ADAMTS2: variants seen among roughly 807,000 people sequenced by gnomAD.
ADAMTS2 encodes A disintegrin and metalloproteinase with thrombospondin motifs 2.
Under a neutral mutation model 123.0 loss-of-function variants are expected in ADAMTS2, and 50 were observed. That is an observed-to-expected ratio of 0.41 (90% CI 0.32 to 0.51). The LOEUF is 0.51. Ranked by LOEUF, ADAMTS2 falls within the 20% of genes least tolerant of loss-of-function variation. The probability of loss-of-function intolerance (pLI) is 0.35; values close to 1 mark genes in which losing one functional copy is unlikely to be tolerated. For synonymous variants in ADAMTS2, 678 were observed against 695.4 expected (o/e 0.98, Z 0.39); for missense variants, 1,494 against 1,705.2 (o/e 0.88, Z 2.18).
intron 4 of ADAMTS2, among the ~76,000 whole-genome samples, chr5:179,187,583 A>G (rs1267082287): frequency 6.6e-6 from 1 of 152,054 alleles, no homozygotes; most frequent in Non-Finnish European, 1.5e-5. Context: ...CCCCCAGCTA[A>G]GGGCCTCCCC....
chr5:179,255,482 G>A (rs1159868324), intron 3 of ADAMTS2, among the ~76,000 whole-genome samples: 2 of 152,208 alleles, frequency 1.3e-5, no homozygotes, highest in African/African-American at 4.8e-5. Context: ...GGCTGCCGAT[G>A]TGGCCTTTGT....
chr5:179,294,954 T>C (rs564575640), intron 2 of ADAMTS2, among the ~76,000 whole-genome samples: 98 of 152,290 alleles, frequency 6.4e-4, no homozygotes, highest in Admixed American at 1.6e-3. Context: ...ATGGAGGCCC[T>C]CCTGTCGCTC....
intron 20 of ADAMTS2, 126 bp from the exon 21 acceptor site, chr5:179,121,876 G>C: frequency 5.0e-6 from 3 of 595,682 alleles, no homozygotes; most frequent in Non-Finnish European, 8.6e-6. Flanking sequence ...CTCCCCGGGC[G>C]GACAAAGGGT....
At position 179,185,615 on chromosome 5, in the gene ADAMTS2, A is replaced by G. The variant is rs1764156444; in HGVS notation, c.892-4460T>C. ...GCTCCCTGATTTGGGACAGGAGGTGACCAACCACTCCAAAAGCCCCGTCGC... is the reference window on the plus strand; with the variant it reads ...GCTCCCTGATTTGGGACAGGAGGTGGCCAACCACTCCAAAAGCCCCGTCGC... On this transcript the variant is annotated intron_variant, in intron 4 of 21. Transcript: ENST00000251582. This position sits in a 1 kb window ranked among gnomAD's most constrained non-coding sequence, Gnocchi z 5.9. 1.3e-5 allele frequency among the ~76,000 whole-genome samples: 2 copies of G among 151,988 alleles called. No individual in the cohort carries two copies. Among genetic ancestry groups the G allele is most frequent in the South Asian group, 4.1e-4 (2 of 4,828 alleles).
At chr5:179,195,953 G>A (rs1195499515) in intron 4 of ADAMTS2, among the ~76,000 whole-genome samples, 2 of 152,186 alleles carry the variant, frequency 1.3e-5, no homozygotes, top group African/African-American at 2.4e-5. Flanking sequence ...CAGAGCCAGC[G>A]ACTCGTGAAC....
At chr5:179,131,671 T>C (rs1561770400) in intron 15 of ADAMTS2, among the ~76,000 whole-genome samples, 1 of 152,032 alleles carries the variant, frequency 6.6e-6, no homozygotes, top group African/African-American at 2.4e-5. Flanking sequence ...TGGGAGGGCG[T>C]GGTCTCCCAG....
intron 4 of ADAMTS2, among the ~76,000 whole-genome samples, chr5:179,182,096 CT>C (rs1007891036): frequency 1.3e-5 from 2 of 152,174 alleles, no homozygotes; most frequent in African/African-American, 4.8e-5. Context: ...TCACTTCCCC[CT>C]GGAAGGCCCC....
chr5:179,295,711 G>A (rs937413792), intron 2 of ADAMTS2, among the ~76,000 whole-genome samples: 21 of 152,246 alleles, frequency 1.4e-4, no homozygotes, highest in African/African-American at 4.8e-4. Context: ...ATTCTGAGCA[G>A]GGCAGAGGAG....
intron 3 of ADAMTS2, among the ~76,000 whole-genome samples, chr5:179,263,810 G>A (rs754488868): frequency 5.9e-5 from 9 of 152,238 alleles, no homozygotes; most frequent in Non-Finnish European, 8.8e-5. Flanking sequence ...ACGCCAGCAC[G>A]CCCATCTGAC....
Position 179,343,752 on chromosome 5 carries a change from G to C in ADAMTS2, c.534+15C>G, listed in dbSNP as rs1349616086. 12 of 1,608,310 alleles carry C rather than the reference G, an allele frequency of 7.5e-6. No individual in the cohort carries two copies. The highest frequency in any genetic ancestry group is 8.5e-6 in the Non-Finnish European group (10 of 1,179,386). On this transcript the variant is annotated intron_variant, in intron 2 of 21. Coordinates refer to ENST00000251582, the MANE Select transcript of ADAMTS2 (RefSeq NM_014244.5). ...GAGCAGCGGAGAGAAAGGAGCTAGA[G>C]AAGTGCGTACTCACCAGCCCATCGC...
intron 2 of ADAMTS2, among the ~76,000 whole-genome samples, chr5:179,320,593 CAGGCATGAG>C (rs1757141395): frequency 2.0e-5 from 3 of 151,886 alleles, no homozygotes; most frequent in Non-Finnish European, 4.4e-5. Context: ...GCTGGGATTA[CAGGCATGAG>C]CCACTGTTCC....
chr5:179,172,131 G>C (rs1044075965), intron 5 of ADAMTS2, among the ~76,000 whole-genome samples: 1 of 152,238 alleles, frequency 6.6e-6, no homozygotes, highest in South Asian at 2.1e-4. Context: ...GCCAGCCTCA[G>C]TTCACCTATG....
At chr5:179,159,088 C>T (rs889530497) in intron 5 of ADAMTS2, among the ~76,000 whole-genome samples, 2 of 152,232 alleles carry the variant, frequency 1.3e-5, no homozygotes, top group African/African-American at 2.4e-5. Flanking sequence ...CACTCACCTG[C>T]GTGAGTTTCC....
intron 3 of ADAMTS2, among the ~76,000 whole-genome samples, chr5:179,254,510 C>T (rs1397927221): frequency 1.3e-5 from 2 of 152,184 alleles, no homozygotes; most frequent in African/African-American, 2.4e-5. Flanking sequence ...CACTTTCATA[C>T]TCATATGTAT....
chr5:179,189,502 T>G lies in ADAMTS2; in HGVS notation c.892-8347A>C. Among the ~76,000 whole-genome samples the G allele has an allele frequency of 7.8e-6, 1 of 128,324 alleles. No individual in the cohort carries two copies. The highest frequency in any genetic ancestry group is 1.6e-5 in the Non-Finnish European group (1 of 62,290). The allele number at this position is 128,324 out of a possible 152,430, so 84.2% of individuals were successfully genotyped here. On this transcript the variant is annotated intron_variant, in intron 4 of 21. Transcript: ENST00000251582. This position sits in a 1 kb window ranked among gnomAD's most constrained non-coding sequence, Gnocchi z 4.2. ...AGCTGGGGCTACAGGCGCCCGCCAG[T>G]GCGCCTGGTTTTTTTTTTTTTTTTT...
intron 2 of ADAMTS2, among the ~76,000 whole-genome samples, chr5:179,313,328 A>G (rs74705963): frequency 0.011 from 23 of 2,120 alleles, no homozygotes; most frequent in Admixed American, 0.019. Context: ...GGGCCTGGCC[A>G]GAGCAGGGGT....
At chr5:179,190,241 A>C (rs1764275177) in intron 4 of ADAMTS2, among the ~76,000 whole-genome samples, 1 of 152,090 alleles carries the variant, frequency 6.6e-6, no homozygotes, top group South Asian at 2.1e-4. Context: ...ATGGAGAGAT[A>C]ATGGGTGATG....
Position 179,189,997 on chromosome 5 carries a change from G to A in ADAMTS2, c.892-8842C>T, listed in dbSNP as rs923388482. Among the ~76,000 whole-genome samples, 8 of 152,142 alleles carry A rather than the reference G, an allele frequency of 5.3e-5. No homozygotes were observed. The highest frequency in any genetic ancestry group is 3.2e-3 in the Middle Eastern group (1 of 316). On this transcript the variant is annotated intron_variant, in intron 4 of 21. Coordinates refer to ENST00000251582, the MANE Select transcript of ADAMTS2 (RefSeq NM_014244.5). The surrounding 1 kb of genome is among the most constrained non-coding windows in gnomAD (Gnocchi z 4.2). ...TTGATTGATCAGCTAGGGTGGGGCA[G>A]GAACAGATCACAATGGTGGAATGCC...
At chr5:179,281,742 A>G (rs1447889017) in intron 2 of ADAMTS2, among the ~76,000 whole-genome samples, 2 of 152,180 alleles carry the variant, frequency 1.3e-5, no homozygotes, top group African/African-American at 4.8e-5. Flanking sequence ...TGTCCTCTAC[A>G]GGGGCTGGAC....
Sources: gnomAD v4.1 joint callset for allele counts (sites outside exome capture counted in the v4.1 genomes callset) on GRCh38, gnomAD v4.1.1 for gene constraint, Gnocchi (gnomAD v3.1) non-coding constraint, MANE v1.5 for transcripts, NCBI Gene and HGNC (gene_info 2026-07-23, HGNC 2026-07-21) for gene names.